Variants in SYTL2 observed in about 807,000 individuals in gnomAD.
SYTL2 encodes synaptotagmin like 2.
A neutral mutation model predicts 198.7 loss-of-function variants in SYTL2; 165 were observed. The ratio of observed to expected loss-of-function variants is 0.83; its 90% CI spans 0.73 to 0.94. The LOEUF is 0.94. Among genes scored for constraint, SYTL2 ranks in the 40% least tolerant of loss-of-function variants. The probability of loss-of-function intolerance (pLI) is 0.00; values close to 1 mark genes in which losing one functional copy is unlikely to be tolerated. For synonymous variants in SYTL2, 966 were observed against 917.7 expected (o/e 1.05, Z -0.95); for missense variants, 2,835 against 2,582.8 (o/e 1.10, Z -2.12).
At chr11:85,720,530 A>C (rs934939731) in intron 9 of SYTL2, among the ~76,000 whole-genome samples, 5 of 152,182 alleles carry the variant, frequency 3.3e-5, no homozygotes, top group African/African-American at 9.7e-5. Context: ...ATATTCAATA[A>C]ATGCTAGTTA....
the SYTL2 span, among the ~76,000 whole-genome samples, chr11:85,818,868 T>C: frequency 1.3e-5 from 2 of 152,224 alleles, no homozygotes; most frequent in East Asian, 3.9e-4. Flanking sequence ...TATTTTGTAT[T>C]TATTAAAAGA....
In SYTL2 at chr11:85,703,783, A is replaced by C. The variant is rs186547104; in HGVS notation, c.6189+1075T>G. Among the ~76,000 whole-genome samples the C allele has an allele frequency of 3.5e-3, 527 of 152,304 alleles. 1 individual carries two copies. The highest frequency in any genetic ancestry group is 0.012 in the African/African-American group (512 of 41,578). On this transcript the variant is annotated intron_variant, in intron 16 of 19. Coordinates refer to ENST00000359152, the MANE Select transcript of SYTL2 (RefSeq NM_206927.4). ...TATATACAATTAAAACATGACCAAA[A>C]ATAGCACAAAGGATGAGAGAATGGG...
intron 1 of SYTL2, among the ~76,000 whole-genome samples, chr11:85,769,685 G>A (rs934192371): frequency 6.6e-6 from 1 of 152,176 alleles, no homozygotes; most frequent in African/African-American, 2.4e-5. Flanking sequence ...GACTCCAACA[G>A]GGATGGCACC....
chr11:85,706,864 C>CA (rs2085250405), intron 15 of SYTL2, among the ~76,000 whole-genome samples: 1 of 67,720 alleles, frequency 1.5e-5, no homozygotes, highest in Admixed American at 1.2e-4. Context: ...TTTTTTGAGA[C>CA]AGAGTTTCAC....
chr11:85,733,147 G>C (rs181886137), intron 7 of SYTL2, among the ~76,000 whole-genome samples: 2 of 152,164 alleles, frequency 1.3e-5, no homozygotes, highest in Non-Finnish European at 2.9e-5. Context: ...GCATAGTAAG[G>C]CCTCAAAGTC....
chr11:85,739,534 C>T (rs919066715), intron 4 of SYTL2, among the ~76,000 whole-genome samples: 5 of 152,080 alleles, frequency 3.3e-5, no homozygotes, highest in Admixed American at 3.3e-4. Flanking sequence ...AGTCTTATTT[C>T]CTCAAATTTT....
upstream of SYTL2, among the ~76,000 whole-genome samples, chr11:85,816,049 C>T (rs2093060843): frequency 6.6e-6 from 1 of 152,070 alleles, no homozygotes; most frequent in South Asian, 2.1e-4. Context: ...CCTGTAATCC[C>T]AGCTACTCGA....
chr11:85,726,803 G>C lies in SYTL2; in HGVS notation c.2555C>G (p.Ala852Gly). 1 of 1,536,200 alleles carries C rather than the reference G, an allele frequency of 6.5e-7. No homozygotes were observed. Among genetic ancestry groups the C allele is most frequent in the Non-Finnish European group, 8.7e-7 (1 of 1,146,870 alleles). ...ATCTAAGACCACTCGTTTGGGAATG[G>C]CCTGATTATATTCACTCTGGTCTGT... is the stretch of plus-strand genomic sequence containing the variant. ...LSTDQSEYNQ[A>G]IPKRVVLDED... is the part of the protein sequence containing the mutation. The change falls in exon 8 of 20, where the codon GCC becomes GGC. Residue 852 changes from alanine to glycine, a missense_variant. Physicochemically the swap from Ala to Gly is moderately conservative, Grantham distance 60. Transcript: ENST00000359152.
intron 1 of SYTL2, among the ~76,000 whole-genome samples, chr11:85,769,121 A>G (rs3891432): frequency 0.081 from 12,296 of 152,340 alleles, 725 homozygotes; most frequent in African/African-American, 0.16. Context: ...GTTATGTTCC[A>G]TAAGTATGTT....
At chr11:85,715,063 T>G (rs1334796332) in intron 11 of SYTL2, 2 of 152,234 alleles carry the variant, frequency 1.3e-5, no homozygotes, top group Non-Finnish European at 2.9e-5. Context: ...CATTATTTTT[T>G]GAAAATATAA....
In SYTL2 at chr11:85,752,166, G is replaced by A. The variant is rs565348954; in HGVS notation, c.102-3743C>T. ...CCTGGTTCATAGTATTTAGTCAACT[G>A]TGGACAGCTGCTGGCCAGATAGGTT... On this transcript the variant is annotated intron_variant, in intron 2 of 19. Transcript: ENST00000359152. Among the ~76,000 whole-genome samples, 3 of 152,312 alleles carry A rather than the reference G, an allele frequency of 2.0e-5. No individual in the cohort carries two copies. The East Asian group carries it at 5.8e-4, about 29-fold the overall frequency.
At chr11:85,852,276 C>T in the SYTL2 span, among the ~76,000 whole-genome samples, 2 of 152,140 alleles carry the variant, frequency 1.3e-5, no homozygotes, top group Non-Finnish European at 2.9e-5. Context: ...CTTCCTGGGA[C>T]AAAAGGATAA....
intron 16 of SYTL2, among the ~76,000 whole-genome samples, chr11:85,704,416 A>G (rs2084812255): frequency 6.6e-6 from 1 of 152,182 alleles, no homozygotes; most frequent in Admixed American, 6.5e-5. Flanking sequence ...GGAGAAAAAG[A>G]CAAATTCACA....
At chr11:85,847,415 A>G in the SYTL2 span, among the ~76,000 whole-genome samples, 1 of 152,136 alleles carries the variant, frequency 6.6e-6, no homozygotes, top group South Asian at 2.1e-4. Context: ...AGTGCTGGCA[A>G]CATTCCTTTT....
intron 1 of SYTL2, among the ~76,000 whole-genome samples, chr11:85,777,812 C>CTTTTTTT (rs57873368): frequency 0.02 from 1,278 of 63,298 alleles, 102 homozygotes; most frequent in East Asian, 0.025. Context: ...GGTCTTACTT[C>CTTTTTTT]TTTTTTTTTT....
intron 1 of SYTL2, among the ~76,000 whole-genome samples, chr11:85,804,213 T>C (rs1197907273): frequency 6.6e-6 from 1 of 152,214 alleles, no homozygotes; most frequent in Non-Finnish European, 1.5e-5. Flanking sequence ...CAAAATTTTC[T>C]AAATTTTTGC....
the SYTL2 span, among the ~76,000 whole-genome samples, chr11:85,831,507 T>A: frequency 6.6e-6 from 1 of 152,280 alleles, no homozygotes; most frequent in Admixed American, 6.5e-5. Flanking sequence ...TAAAAAAAAA[T>A]TAAATGATCA....
chr11:85,697,220 A>T (rs2083530315), intron 18 of SYTL2, among the ~76,000 whole-genome samples: 1 of 152,170 alleles, frequency 6.6e-6, no homozygotes, highest in Admixed American at 6.5e-5. Context: ...TTATTTATTT[A>T]ATAGAGAAGG....
At chr11:85,824,259 A>G in the SYTL2 span, among the ~76,000 whole-genome samples, 1 of 152,152 alleles carries the variant, frequency 6.6e-6, no homozygotes, top group African/African-American at 2.4e-5. Flanking sequence ...AGCTGACATT[A>G]AACTACAGGG....
Sources: gnomAD v4.1 joint callset for allele counts (sites outside exome capture counted in the v4.1 genomes callset) on GRCh38, gnomAD v4.1.1 for gene constraint, MANE v1.5 for transcripts, NCBI Gene and HGNC (gene_info 2026-07-23, HGNC 2026-07-21) for gene names.